WDR75: variants seen among roughly 807,000 people sequenced by gnomAD.
WDR75 encodes the protein WD repeat-containing protein 75.
In WDR75, 52 loss-of-function variants were observed where a neutral mutation model predicts 106.1. The ratio of observed to expected loss-of-function variants is 0.49; its 90% CI spans 0.39 to 0.62. The LOEUF (loss-of-function observed/expected upper bound fraction) is 0.62, where lower values mean the gene tolerates loss of function less well. WDR75 is among the 20% of genes least tolerant of loss of function. The pLI, the probability that WDR75 is intolerant of heterozygous loss-of-function variation, is 0.00. For missense variants in WDR75, 905 were observed against 970.3 expected (o/e 0.93, Z 0.89); for synonymous variants, 333 against 335.5 (o/e 0.99, Z 0.08).
rs148461332 is a variant in WDR75 at position 189,473,580 on chromosome 2, C to A, written c.2050-606C>A. On this transcript the variant is annotated intron_variant, in intron 18 of 20. Transcript: ENST00000314761. Reference sequence around the variant, plus strand: ...ACCACCACCACCACCGCTATCCATACCTAGCCTAAAGATGTAGAGCCCTCT... The same window carrying A: ...ACCACCACCACCACCGCTATCCATAACTAGCCTAAAGATGTAGAGCCCTCT... Among the ~76,000 whole-genome samples the A allele has an allele frequency of 9.6e-4, 146 of 152,280 alleles. 2 individuals are homozygous for A. Among genetic ancestry groups the A allele is most frequent in the African/African-American group, 3.2e-3 (132 of 41,560 alleles).
chr2:189,467,434 C>T (rs1182119767), intron 13 of WDR75, 34 bp from the exon 14 acceptor site: 1 of 1,547,914 alleles, frequency 6.5e-7, no homozygotes. Flanking sequence ...AGCATTTACA[C>T]AATTTCTGAA....
At chr2:189,465,615 T>C (rs1224199342) in intron 12 of WDR75, among the ~76,000 whole-genome samples, 1 of 152,136 alleles carries the variant, frequency 6.6e-6, no homozygotes, top group Non-Finnish European at 1.5e-5. Context: ...CATAGTATAA[T>C]GTAGCATGGA....
rs1315852092 is a variant in WDR75 at position 189,470,094 on chromosome 2, G to A, written c.1838G>A (p.Ser613Asn). The change falls in exon 17 of 21, where the codon AGT (serine) becomes AAT (asparagine). Residue 613 changes from serine (S) to asparagine (N), a missense_variant. By Grantham distance (46) the Ser-to-Asn change is conservative. Transcript: ENST00000314761. ...VGSDLFVFKP[S>N]EPRPLYIQKG... ...CCTCTAGTGTTTGTATTTAAACCTA[G>A]TGAGCCAAGGCCATTGTATATTCAA... 1 of 1,611,582 alleles carries A rather than the reference G, an allele frequency of 6.2e-7. No individual in the cohort carries two copies. Among genetic ancestry groups the A allele is most frequent in the Non-Finnish European group, 8.5e-7 (1 of 1,178,920 alleles).
intron 18 of WDR75, among the ~76,000 whole-genome samples, chr2:189,472,395 C>G (rs114465876): frequency 0.024 from 3,645 of 152,216 alleles, 158 homozygotes; most frequent in African/African-American, 0.084. Context: ...TAAGGAGGAG[C>G]TAATTACTTC....
chr2:189,469,440 G>A lies in WDR75; in HGVS notation c.1819+1G>A. 3.1e-6 allele frequency: 5 copies of A among 1,606,222 alleles called. No homozygotes were observed. The highest frequency in any genetic ancestry group is 4.3e-6 in the Non-Finnish European group (5 of 1,173,062). The stretch of plus-strand genomic sequence containing the variant: ...TCTCAGTCTTCAGTGGGTTCAGACT[G>A]TAAGTACAAACCACACTTTGTAGTA... On this transcript the variant is annotated splice_donor_variant, in intron 16 of 20. Transcript: ENST00000314761. LOFTEE classifies it high-confidence loss of function.
chr2:189,449,616 A>G, intron 2 of WDR75: 2 of 1,042,638 alleles, frequency 1.9e-6, no homozygotes, highest in Non-Finnish European at 2.3e-6. Context: ...GGGCAGTTTT[A>G]TCAGATTTGG....
chr2:189,458,735 GT>G lies in WDR75; in HGVS notation c.570-8del, dbSNP rs576214591. ...GAGACTTTAATAATTAAGGGAATTT[GT>G]TTTTTTTTTCTCCTAGGTTTACTTT... On this transcript the variant is annotated splice_polypyrimidine_tract_variant and intron_variant, in intron 6 of 20. Coordinates refer to ENST00000314761, the MANE Select transcript of WDR75 (RefSeq NM_032168.3). The G allele has an allele frequency of 5.1e-4, 713 of 1,388,004 alleles. No individual in the cohort carries two copies. The highest frequency in any genetic ancestry group is 1.4e-3 in the South Asian group (92 of 67,498). 86.0% of individuals were successfully genotyped at this position (1,388,004 alleles called of 1,614,324 possible). A position where few individuals can be genotyped will look rare whatever the true frequency, so the allele number is the denominator to read the frequency against.
Position 189,460,585 on chromosome 2 carries a change from A to G in WDR75, c.778+1161A>G, listed in dbSNP as rs552568609. On this transcript the variant is annotated intron_variant, in intron 8 of 20. Transcript: ENST00000314761. ...AGTGGCACCATCTTGGCTCACTGCA[A>G]CCTCGACTTCCTGGGCTCAAATGGT... 5.3e-5 allele frequency among the ~76,000 whole-genome samples: 8 copies of G among 150,908 alleles called. No individual in the cohort carries two copies. In the South Asian group the frequency reaches 1.5e-3, roughly 28 times the overall value.
chr2:189,456,964 G>A (rs192436017), intron 5 of WDR75, among the ~76,000 whole-genome samples: 4 of 152,216 alleles, frequency 2.6e-5, no homozygotes, highest in Middle Eastern at 3.4e-3. Context: ...GTGTTGGGCC[G>A]GGCGCAGTGG....
At position 189,451,040 on chromosome 2, in the gene WDR75, G is replaced by C. The variant is rs570840418; in HGVS notation, c.282+72G>C. ...AATGTAATTTAATGGTAGATGTACT[G>C]TTTCTATAAGGCCAAATATTTAAAT... On this transcript the variant is annotated intron_variant, in intron 3 of 20. Coordinates refer to ENST00000314761, the MANE Select transcript of WDR75 (RefSeq NM_032168.3). The C allele has an allele frequency of 6.0e-6, 9 of 1,499,902 alleles. No individual in the cohort carries two copies. The South Asian group carries it at 9.7e-5, about 16-fold the overall frequency. The allele number at this position is 1,499,902 out of a possible 1,614,324, so 92.9% of individuals were successfully genotyped here.
At chr2:189,455,844 A>G (rs955205650) in intron 5 of WDR75, among the ~76,000 whole-genome samples, 5 of 152,194 alleles carry the variant, frequency 3.3e-5, no homozygotes, top group Non-Finnish European at 7.3e-5. Flanking sequence ...TTTTCTTAAC[A>G]TTCATAAAAT....
In WDR75 at chr2:189,470,061, GT is replaced by G. The variant is rs747447221; in HGVS notation, c.1820-9del. The G allele has an allele frequency of 2.2e-5, 36 of 1,605,948 alleles. No individual in the cohort carries two copies. In the African/African-American group the frequency reaches 3.2e-4, roughly 14 times the overall value. On this transcript the variant is annotated splice_polypyrimidine_tract_variant and intron_variant, in intron 16 of 20. Coordinates refer to ENST00000314761, the MANE Select transcript of WDR75 (RefSeq NM_032168.3). ...TCAGGCAAAATGTTATTGTTTCTTT[GT>G]TTTTTCCCTCTAGTGTTTGTATTTA... is the stretch of plus-strand genomic sequence containing the variant.
At chr2:189,458,152 A>G (rs955676471) in intron 6 of WDR75, among the ~76,000 whole-genome samples, 5 of 151,694 alleles carry the variant, frequency 3.3e-5, no homozygotes, top group African/African-American at 1.2e-4. Flanking sequence ...TGAATTCCTG[A>G]CCTCAGGTGA....
chr2:189,459,564 T>G (rs936399640), intron 8 of WDR75, 140 bp downstream of exon 8: 1 of 787,122 alleles, frequency 1.3e-6, no homozygotes, highest in Non-Finnish European at 2.0e-6. Flanking sequence ...CCCTGTATTT[T>G]GGGCTTTGCT....
At chr2:189,446,275 T>C (rs1320058497) in intron 1 of WDR75, among the ~76,000 whole-genome samples, 1 of 152,154 alleles carries the variant, frequency 6.6e-6, no homozygotes, top group Admixed American at 6.5e-5. Context: ...GAGCAAGTAA[T>C]ATGGTCAAAT....
At chr2:189,449,245 T>A in intron 2 of WDR75, 1 of 1,303,272 alleles carries the variant, frequency 7.7e-7, no homozygotes, top group Non-Finnish European at 1.0e-6. Context: ...CCTGGATTAG[T>A]CACAGCCAAC....
At chr2:189,445,482 T>C (rs1006468484) in intron 1 of WDR75, among the ~76,000 whole-genome samples, 4 of 152,206 alleles carry the variant, frequency 2.6e-5, no homozygotes, top group African/African-American at 9.6e-5. Context: ...GAGAAAATTC[T>C]GAGCTGAATC....
At chr2:189,458,000 T>C (rs920374150) in intron 6 of WDR75, among the ~76,000 whole-genome samples, 6 of 143,590 alleles carry the variant, frequency 4.2e-5, no homozygotes, top group African/African-American at 1.5e-4. Flanking sequence ...CTCGGCTCAC[T>C]GTAACCTCCG....
intron 2 of WDR75, chr2:189,449,663 C>T (rs1686574904): frequency 1.0e-6 from 1 of 1,004,832 alleles, no homozygotes; most frequent in African/African-American, 1.7e-5. Context: ...ACTTAGGAGT[C>T]ACAGTGTTTG....
Sources: allele counts gnomAD v4.1 joint callset (sites outside exome capture counted in the v4.1 genomes callset), GRCh38; gene constraint gnomAD v4.1.1; transcripts MANE v1.5; gene names NCBI Gene and HGNC (gene_info 2026-07-23, HGNC 2026-07-21).